CNTN4: variants seen among roughly 807,000 people sequenced by gnomAD.
CNTN4 encodes the protein contactin 4, also known as contactin-4.
In CNTN4, 77 loss-of-function variants were observed where a neutral mutation model predicts 122.5. The ratio of observed to expected loss-of-function variants is 0.63; its 90% CI spans 0.52 to 0.76. CNTN4 has a LOEUF of 0.76. Ranked by LOEUF, CNTN4 falls within the 30% of genes least tolerant of loss-of-function variation. CNTN4 has a pLI of 0.00. For missense variants in CNTN4, 1,256 were observed against 1,259.1 expected, an observed-to-expected ratio of 1.00 and a Z score of 0.04; for synonymous variants, 512 against 447.0, an observed-to-expected ratio of 1.15 and a Z score of -1.83.
At chr3:2,338,554 T>G (rs1484435865) in intron 2 of CNTN4, among the ~76,000 whole-genome samples, 2 of 151,938 alleles carry the variant, frequency 1.3e-5, no homozygotes, top group Non-Finnish European at 2.9e-5. Flanking sequence ...TGAATAAACA[T>G]GAAAACATAA....
At chr3:2,778,603 C>G (rs960932186) in intron 6 of CNTN4, among the ~76,000 whole-genome samples, 3 of 152,152 alleles carry the variant, frequency 2.0e-5, no homozygotes, top group Non-Finnish European at 4.4e-5. Flanking sequence ...AGTGCTGTTT[C>G]AGACAGGAAA....
At chr3:2,257,176 C>G (rs2040631566) in intron 2 of CNTN4, among the ~76,000 whole-genome samples, 1 of 152,176 alleles carries the variant, frequency 6.6e-6, no homozygotes, top group Non-Finnish European at 1.5e-5. Context: ...CTGAGAAAGA[C>G]AAGCAATGGG....
Position 3,056,325 on chromosome 3 carries a change from T to C in CNTN4, c.*105T>C, listed in dbSNP as rs1057333797. ...AATATTGTTGTTCAAGTACATCTTA[T>C]TACTGGAATAAAAATGTTTTTTGCT... On this transcript the variant is annotated 3_prime_UTR_variant, in exon 25 of 25. Transcript: ENST00000418658. The C allele has an allele frequency of 9.3e-6, 8 of 859,234 alleles. No individual in the cohort carries two copies. The highest frequency in any genetic ancestry group is 6.7e-5 in the African/African-American group (4 of 59,954). 53.2% of individuals were successfully genotyped at this position (859,234 alleles called of 1,614,324 possible). A position where few individuals can be genotyped will look rare whatever the true frequency, so the allele number is the denominator to read the frequency against.
chr3:2,128,005 C>T (rs1317441199), intron 2 of CNTN4, among the ~76,000 whole-genome samples: 1 of 152,142 alleles, frequency 6.6e-6, no homozygotes, highest in Non-Finnish European at 1.5e-5. Context: ...TGTTTATTTC[C>T]ACACCCTAAT....
intron 4 of CNTN4, among the ~76,000 whole-genome samples, chr3:2,652,304 T>C (rs142739668): frequency 0.016 from 2,419 of 152,272 alleles, 70 homozygotes; most frequent in African/African-American, 0.055. Flanking sequence ...CACATTCACT[T>C]ACAAAACAGA....
chr3:2,811,766 G>A (rs2092617584), intron 6 of CNTN4, among the ~76,000 whole-genome samples: 1 of 151,832 alleles, frequency 6.6e-6, no homozygotes, highest in African/African-American at 2.4e-5. Flanking sequence ...CCAGGTTCAA[G>A]CAATTCTCCT....
chr3:2,102,668 T>C (rs532823180), intron 2 of CNTN4, among the ~76,000 whole-genome samples: 1 of 152,282 alleles, frequency 6.6e-6, no homozygotes, highest in Non-Finnish European at 1.5e-5. Flanking sequence ...AGAGGAAGAC[T>C]TGGGAGGATG....
chr3:2,470,659 T>G (rs530604581), intron 3 of CNTN4, among the ~76,000 whole-genome samples: 2 of 152,306 alleles, frequency 1.3e-5, no homozygotes, highest in South Asian at 2.1e-4. Flanking sequence ...CTCTCTCATA[T>G]TCTTTTGAAA....
chr3:2,675,553 T>G (rs981436427), intron 4 of CNTN4, among the ~76,000 whole-genome samples: 1 of 152,194 alleles, frequency 6.6e-6, no homozygotes, highest in East Asian at 1.9e-4. Flanking sequence ...TTTTTCCACC[T>G]TCCCAAGAAT....
chr3:2,567,609 C>G (rs919244038), intron 3 of CNTN4, among the ~76,000 whole-genome samples: 2 of 152,162 alleles, frequency 1.3e-5, no homozygotes, highest in Non-Finnish European at 2.9e-5. Flanking sequence ...AGATAGATAT[C>G]TTGCTGCTCT....
intron 7 of CNTN4, among the ~76,000 whole-genome samples, chr3:2,856,321 A>G (rs927775635): frequency 6.6e-6 from 1 of 152,132 alleles, no homozygotes; most frequent in African/African-American, 2.4e-5. Flanking sequence ...AGAAACAAAC[A>G]CTTATTTTGT....
At chr3:2,211,915 T>C (rs965801129) in intron 2 of CNTN4, among the ~76,000 whole-genome samples, 1 of 152,202 alleles carries the variant, frequency 6.6e-6, no homozygotes, top group African/African-American at 2.4e-5. Context: ...CTGTTGTCAT[T>C]TTTGCATTTA....
chr3:2,485,192 C>G (rs1197547982), intron 3 of CNTN4, among the ~76,000 whole-genome samples: 1 of 152,254 alleles, frequency 6.6e-6, no homozygotes, highest in African/African-American at 2.4e-5. Context: ...GCCTCTCCCC[C>G]TGTGGCTGTG....
chr3:2,428,227 G>A (rs1265389651), intron 3 of CNTN4, among the ~76,000 whole-genome samples: 2 of 152,168 alleles, frequency 1.3e-5, no homozygotes, highest in African/African-American at 4.8e-5. Context: ...TGCTTTCCAT[G>A]TTTAGTGCTT....
intron 2 of CNTN4, among the ~76,000 whole-genome samples, chr3:2,314,925 A>G (rs888184653): frequency 2.0e-5 from 3 of 152,052 alleles, no homozygotes; most frequent in Non-Finnish European, 4.4e-5. Flanking sequence ...TTAAGTTATT[A>G]TATCATGTTT....
At chr3:2,329,986 G>A (rs555221401) in intron 2 of CNTN4, among the ~76,000 whole-genome samples, 18 of 152,198 alleles carry the variant, frequency 1.2e-4, no homozygotes, top group African/African-American at 3.9e-4. Context: ...TGGAGTTACA[G>A]TCAGAACCCA....
rs188080849 is a variant in CNTN4, at chr3:2,489,428, C to G, written c.-88-81988C>G. Among the ~76,000 whole-genome samples, 501 of 152,288 alleles carry G rather than the reference C, an allele frequency of 3.3e-3. 4 individuals carry two copies. The highest frequency in any genetic ancestry group is 0.012 in the African/African-American group (488 of 41,554). ...AGAAGCCCTCACTCCCACACTTACC[C>G]TCTTTTTTCTCATTCCCTTATGCTA... On this transcript the variant is annotated intron_variant, in intron 3 of 24. Coordinates refer to ENST00000418658, the MANE Select transcript of CNTN4 (RefSeq NM_175607.3).
chr3:2,777,364 C>G (rs1199980217), intron 6 of CNTN4, among the ~76,000 whole-genome samples: 1 of 152,216 alleles, frequency 6.6e-6, no homozygotes, highest in Admixed American at 6.5e-5. Context: ...TCTTACCCAT[C>G]TACGGCTCTC....
At chr3:3,050,700 T>C (rs764555829) in intron 23 of CNTN4, among the ~76,000 whole-genome samples, 11 of 145,310 alleles carry the variant, frequency 7.6e-5, no homozygotes, top group Non-Finnish European at 1.5e-4. Flanking sequence ...GAGGCGGAGG[T>C]TGTAGTGAGC....
Sources: gnomAD v4.1 joint callset for allele counts (sites outside exome capture counted in the v4.1 genomes callset) on GRCh38, gnomAD v4.1.1 for gene constraint, MANE v1.5 for transcripts, NCBI Gene and HGNC (gene_info 2026-07-23, HGNC 2026-07-21) for gene names.